SORCS1: variants seen among roughly 807,000 people sequenced by gnomAD.
SORCS1 encodes the protein VPS10 domain-containing receptor SorCS1.
In SORCS1, 60 loss-of-function variants were observed where a neutral mutation model predicts 146.1. The observed-to-expected ratio is 0.41, with a 90% CI of 0.33 to 0.51. SORCS1 has a LOEUF of 0.51. SORCS1 is among the 20% of genes least tolerant of loss of function. The pLI is 0.21. For missense variants in SORCS1, 1,352 were observed against 1,487.6 expected (o/e 0.91, Z 1.50); for synonymous variants, 637 against 584.0 (o/e 1.09, Z -1.31).
chr10:106,593,372 C>T (rs978481442), intron 24 of SORCS1, among the ~76,000 whole-genome samples: 7 of 152,124 alleles, frequency 4.6e-5, no homozygotes, highest in African/African-American at 1.7e-4. Flanking sequence ...TTCCTTATCA[C>T]AATTGCTGTT....
chr10:107,110,288 G>C (rs1280990825), intron 1 of SORCS1, among the ~76,000 whole-genome samples: 1 of 151,888 alleles, frequency 6.6e-6, no homozygotes, highest in East Asian at 1.9e-4. Flanking sequence ...TCTATATTAG[G>C]CCATTCTTAT....
intron 6 of SORCS1, among the ~76,000 whole-genome samples, chr10:106,715,783 A>G (rs1332310206): frequency 1.3e-5 from 2 of 152,046 alleles, no homozygotes; most frequent in East Asian, 1.9e-4. Flanking sequence ...TTGAGGACAG[A>G]GTCTCACTCT....
chr10:107,038,101 G>A (rs1958983888), intron 1 of SORCS1, among the ~76,000 whole-genome samples: 1 of 152,208 alleles, frequency 6.6e-6, no homozygotes, highest in South Asian at 2.1e-4. Flanking sequence ...GGGATTACAG[G>A]CGTGAGCCAC....
intron 2 of SORCS1, among the ~76,000 whole-genome samples, chr10:106,861,598 A>C (rs1564746316): frequency 6.6e-6 from 1 of 152,092 alleles, no homozygotes; most frequent in Non-Finnish European, 1.5e-5. Context: ...AATGGTTCAA[A>C]TACCCTCAAT....
intron 1 of SORCS1, among the ~76,000 whole-genome samples, chr10:107,125,687 G>A (rs1464036629): frequency 7.9e-5 from 12 of 152,198 alleles, no homozygotes; most frequent in Non-Finnish European, 2.9e-5. Flanking sequence ...AGTATTTCTT[G>A]CTCATAACAG....
At chr10:106,743,334 G>A (rs1857490985) in intron 5 of SORCS1, among the ~76,000 whole-genome samples, 1 of 152,162 alleles carries the variant, frequency 6.6e-6, no homozygotes. Context: ...GGGTCACCAT[G>A]CCCTCCTGCT....
chr10:107,005,977 A>G (rs2149199), intron 1 of SORCS1, among the ~76,000 whole-genome samples: 22,280 of 152,170 alleles, frequency 0.15, 5,352 homozygotes, highest in African/African-American at 0.5. Context: ...TTTGTTGAGG[A>G]CTGAGGTGTG....
chr10:106,651,805 T>C (rs1465385479), intron 18 of SORCS1, among the ~76,000 whole-genome samples: 2 of 152,208 alleles, frequency 1.3e-5, no homozygotes, highest in African/African-American at 2.4e-5. Context: ...TTATCCACCA[T>C]ATAAATTTCA....
intron 3 of SORCS1, among the ~76,000 whole-genome samples, chr10:106,809,065 T>C (rs1947328670): frequency 6.6e-6 from 1 of 152,154 alleles, no homozygotes. Context: ...TCAAGCCAAG[T>C]CATCAGACTC....
At chr10:106,979,415 C>T (rs545671949) in intron 1 of SORCS1, among the ~76,000 whole-genome samples, 125 of 152,194 alleles carry the variant, frequency 8.2e-4, no homozygotes, top group Admixed American at 3.5e-3. Context: ...TATATTGTAT[C>T]AGATGAACTG....
intron 1 of SORCS1, among the ~76,000 whole-genome samples, chr10:107,007,879 T>G (rs1957523827): frequency 6.6e-6 from 1 of 152,184 alleles, no homozygotes; most frequent in African/African-American, 2.4e-5. Context: ...TATTCTTCAC[T>G]TGTTCTTGGC....
intron 5 of SORCS1, among the ~76,000 whole-genome samples, chr10:106,740,439 G>A (rs1857284808): frequency 6.6e-6 from 1 of 152,078 alleles, no homozygotes; most frequent in Non-Finnish European, 1.5e-5. Context: ...CAAATGCTAG[G>A]TGTAGTTCTA....
At chr10:106,830,677 C>T (rs1211254737) in intron 2 of SORCS1, among the ~76,000 whole-genome samples, 9 of 151,090 alleles carry the variant, frequency 6.0e-5, no homozygotes, top group Admixed American at 5.3e-4. Context: ...GGGTGAATCA[C>T]TTGAGGTCAG....
At position 107,160,354 on chromosome 10, in the gene SORCS1, C is replaced by T. The variant is rs977832094; in HGVS notation, c.558+3615G>A. On this transcript the variant is annotated intron_variant, in intron 1 of 25. Coordinates refer to ENST00000263054, the MANE Select transcript of SORCS1 (RefSeq NM_052918.5). ...TGTGTCTATTTGGCAATTCATTTAG[C>T]CTCTTGGAACCTCAGTTTCCTCCTG... 3.9e-5 allele frequency among the ~76,000 whole-genome samples: 6 copies of T among 152,318 alleles called. No individual in the cohort carries two copies. In the South Asian group the frequency reaches 1.0e-3, roughly 26 times the overall value.
chr10:106,837,322 C>A (rs1948827668), intron 2 of SORCS1, among the ~76,000 whole-genome samples: 1 of 152,044 alleles, frequency 6.6e-6, no homozygotes, highest in South Asian at 2.1e-4. Flanking sequence ...AGGAAAGTCT[C>A]ACTCCCTTCA....
chr10:107,176,356 C>T, the SORCS1 span, among the ~76,000 whole-genome samples: 100 of 136,444 alleles, frequency 7.3e-4, no homozygotes, highest in African/African-American at 1.3e-3. Context: ...TTTTTTGAAA[C>T]GGGCTTTCCT....
intron 1 of SORCS1, among the ~76,000 whole-genome samples, chr10:107,039,179 A>G (rs1034016439): frequency 6.6e-6 from 1 of 151,958 alleles, no homozygotes; most frequent in Non-Finnish European, 1.5e-5. Context: ...ATACAAAAAA[A>G]TAGCCGGGCG....
At chr10:107,160,623 A>T (rs1405065359) in intron 1 of SORCS1, among the ~76,000 whole-genome samples, 2 of 152,238 alleles carry the variant, frequency 1.3e-5, no homozygotes, top group Non-Finnish European at 2.9e-5. Context: ...AATAGAAGTC[A>T]AGTAAAACCC....
At chr10:107,143,143 A>G (rs1235065466) in intron 1 of SORCS1, among the ~76,000 whole-genome samples, 1 of 152,204 alleles carries the variant, frequency 6.6e-6, no homozygotes, top group Non-Finnish European at 1.5e-5. Context: ...AGGCACTCAC[A>G]CAATGCCCTG....
Sources: gnomAD v4.1 joint callset for allele counts (sites outside exome capture counted in the v4.1 genomes callset) on GRCh38, gnomAD v4.1.1 for gene constraint, MANE v1.5 for transcripts, NCBI Gene and HGNC (gene_info 2026-07-23, HGNC 2026-07-21) for gene names.